DCPH1: variants seen among roughly 807,000 people sequenced by gnomAD.
The protein encoded by DCPH1 is damage-control phosphatase 1.
chr6:151,456,332 C>T, the DCPH1 span, among the ~76,000 whole-genome samples: 3 of 152,094 alleles, frequency 2.0e-5, no homozygotes, highest in African/African-American at 4.8e-5. Context: ...ATCTTTTCTC[C>T]TTGGCCAAAT....
the DCPH1 span, chr6:151,458,511 T>C: frequency 2.5e-6 from 4 of 1,611,820 alleles, no homozygotes; most frequent in Non-Finnish European, 3.4e-6. Flanking sequence ...ATGGTTCTAC[T>C]CACCGTGGTT....
At chr6:151,468,276 G>A in the DCPH1 span, 7 of 1,076,314 alleles carry the variant, frequency 6.5e-6, no homozygotes, top group Admixed American at 2.5e-5. Flanking sequence ...CCCCCATCCC[G>A]CTACATAATG....
the DCPH1 span, among the ~76,000 whole-genome samples, chr6:151,466,033 C>T: frequency 6.6e-6 from 1 of 152,232 alleles, no homozygotes; most frequent in Non-Finnish European, 1.5e-5. Context: ...ATTCTCCTGC[C>T]TCAGCCTCCT....
chr6:151,454,704 T>A, the DCPH1 span: 1 of 873,128 alleles, frequency 1.1e-6, no homozygotes, highest in South Asian at 1.5e-5. Flanking sequence ...AACAGAAACA[T>A]AATAAATAGT....
chr6:151,455,982 C>T, the DCPH1 span, among the ~76,000 whole-genome samples: 1 of 152,258 alleles, frequency 6.6e-6, no homozygotes, highest in African/African-American at 2.4e-5. Context: ...TAACAAAGCA[C>T]ATCTTGCACC....
chr6:151,461,433 G>A, the DCPH1 span, among the ~76,000 whole-genome samples: 13 of 152,222 alleles, frequency 8.5e-5, no homozygotes, highest in Non-Finnish European at 1.6e-4. Flanking sequence ...CACTTTGGGA[G>A]CCTGAGGCAG....
At chr6:151,454,254 C>T in the DCPH1 span, among the ~76,000 whole-genome samples, 5 of 151,930 alleles carry the variant, frequency 3.3e-5, no homozygotes, top group Non-Finnish European at 7.4e-5. Context: ...CTTTGCTAAG[C>T]GAGTTTCTGA....
chr6:151,460,321 T>C, the DCPH1 span, among the ~76,000 whole-genome samples: 8 of 151,932 alleles, frequency 5.3e-5, no homozygotes, highest in Admixed American at 6.6e-5. Flanking sequence ...ACTCCTGACC[T>C]CGAACTCCTG....
the DCPH1 span, among the ~76,000 whole-genome samples, chr6:151,455,579 T>A: frequency 1.5e-3 from 228 of 151,184 alleles, 1 homozygote; most frequent in Middle Eastern, 6.9e-3. Context: ...GCTGCCCGCA[T>A]GTCCCACCTC....
the DCPH1 span, among the ~76,000 whole-genome samples, chr6:151,465,682 C>A: frequency 3.9e-5 from 6 of 152,002 alleles, no homozygotes; most frequent in African/African-American, 1.5e-4. Flanking sequence ...GAATAGACTG[C>A]AGGGGCTGAA....
At chr6:151,454,695 A>G in the DCPH1 span, 2 of 963,492 alleles carry the variant, frequency 2.1e-6, no homozygotes, top group Non-Finnish European at 3.2e-6. Flanking sequence ...TAATTTCTCA[A>G]CAGAAACATA....
the DCPH1 span, among the ~76,000 whole-genome samples, chr6:151,459,786 T>TA: frequency 1.3e-5 from 2 of 152,006 alleles, no homozygotes; most frequent in African/African-American, 2.4e-5. Context: ...CGAGACTGTT[T>TA]AAAAAAACCA....
At chr6:151,458,699 T>G in the DCPH1 span, 7 of 693,690 alleles carry the variant, frequency 1.0e-5, no homozygotes, top group Non-Finnish European at 1.4e-5. Flanking sequence ...CAAATCTTAA[T>G]AGCATTGTTG....
At chr6:151,460,930 T>G in the DCPH1 span, among the ~76,000 whole-genome samples, 4 of 152,328 alleles carry the variant, frequency 2.6e-5, no homozygotes, top group African/African-American at 9.6e-5. Flanking sequence ...ATGTAGGCGT[T>G]GTTATGGTTT....
At chr6:151,466,192 T>C in the DCPH1 span, among the ~76,000 whole-genome samples, 4 of 152,226 alleles carry the variant, frequency 2.6e-5, no homozygotes, top group Admixed American at 1.3e-4. Context: ...GTGCTGGGAT[T>C]ATAGGCATGA....
chr6:151,454,699 A>C, the DCPH1 span: 1 of 921,776 alleles, frequency 1.1e-6, no homozygotes, highest in South Asian at 1.4e-5. Context: ...TTCTCAACAG[A>C]AACATAATAA....
chr6:151,455,262 C>T, the DCPH1 span, among the ~76,000 whole-genome samples: 10 of 151,916 alleles, frequency 6.6e-5, no homozygotes, highest in Non-Finnish European at 1.2e-4. Flanking sequence ...TAAGGTGGAA[C>T]GAGAGACTTG....
the DCPH1 span, among the ~76,000 whole-genome samples, chr6:151,463,282 C>A: frequency 1.3e-5 from 2 of 152,138 alleles, no homozygotes; most frequent in Non-Finnish European, 2.9e-5. Context: ...TTTGGAACTT[C>A]TTTCAGAGCC....
At chr6:151,458,658 C>G in the DCPH1 span, 1 of 1,160,702 alleles carries the variant, frequency 8.6e-7, no homozygotes, top group Non-Finnish European at 1.2e-6. Flanking sequence ...AAAATAAGCA[C>G]CAGTGGAAGC....
Sources: gnomAD v4.1 joint callset for allele counts (sites outside exome capture counted in the v4.1 genomes callset) on GRCh38, gnomAD v4.1.1 for gene constraint, MANE v1.5 for transcripts, NCBI Gene and HGNC (gene_info 2026-07-23, HGNC 2026-07-21) for gene names.